JAK2: variants seen among roughly 807,000 people sequenced by gnomAD.
JAK2 encodes the protein Janus kinase 2, also known as tyrosine-protein kinase JAK2.
A neutral mutation model predicts 139.3 loss-of-function variants in JAK2; 86 were observed. The ratio of observed to expected loss-of-function variants is 0.62; its 90% CI spans 0.52 to 0.74. JAK2 has a LOEUF of 0.74. Ranked by LOEUF, JAK2 falls within the 30% of genes least tolerant of loss-of-function variation. The probability of loss-of-function intolerance (pLI) is 0.00; values close to 1 mark genes in which losing one functional copy is unlikely to be tolerated. For missense variants in JAK2, 1,421 were observed against 1,360.3 expected (o/e 1.04, Z -0.70); for synonymous variants, 490 against 437.7 (o/e 1.12, Z -1.49).
At chr9:5,004,179 C>T (rs145822344) in intron 2 of JAK2, among the ~76,000 whole-genome samples, 20 of 152,130 alleles carry the variant, frequency 1.3e-4, no homozygotes, top group South Asian at 2.1e-4. Flanking sequence ...TTCAAGTATA[C>T]GATATATTGT....
chr9:5,039,263 C>G (rs1175807033), intron 4 of JAK2, among the ~76,000 whole-genome samples: 2 of 152,036 alleles, frequency 1.3e-5, no homozygotes, highest in Admixed American at 6.5e-5. Flanking sequence ...TGGATTAAAC[C>G]AACTGCAGAT....
intron 22 of JAK2, among the ~76,000 whole-genome samples, chr9:5,121,903 A>G (rs1018898781): frequency 7.9e-5 from 12 of 152,172 alleles, no homozygotes; most frequent in Non-Finnish European, 1.3e-4. Flanking sequence ...GCAAGGAGTG[A>G]GGGAATAGTG....
At chr9:5,097,176 C>T (rs1457055284) in intron 22 of JAK2, 1 of 152,086 alleles carries the variant, frequency 6.6e-6, no homozygotes, top group Non-Finnish European at 1.5e-5. Context: ...TAACAAAAAG[C>T]CCCCAGCCAT....
At chr9:5,034,920 A>C in intron 4 of JAK2, among the ~76,000 whole-genome samples, 1 of 152,160 alleles carries the variant, frequency 6.6e-6, no homozygotes, top group East Asian at 1.9e-4. Flanking sequence ...GAGACAAAAA[A>C]CCCTTCAAAA....
intron 4 of JAK2, among the ~76,000 whole-genome samples, chr9:5,033,994 C>T (rs1428450076): frequency 6.6e-6 from 1 of 152,078 alleles, no homozygotes; most frequent in Non-Finnish European, 1.5e-5. Flanking sequence ...TTCAGGAAAC[C>T]CATCTCACGT....
intron 4 of JAK2, among the ~76,000 whole-genome samples, chr9:5,032,999 A>C (rs1420337645): frequency 2.6e-5 from 4 of 152,230 alleles, no homozygotes; most frequent in African/African-American, 9.6e-5. Flanking sequence ...AAACCTTGAA[A>C]AAAAATTAGA....
At chr9:5,115,381 G>C (rs1823057939) in intron 22 of JAK2, among the ~76,000 whole-genome samples, 1 of 152,184 alleles carries the variant, frequency 6.6e-6, no homozygotes, top group Non-Finnish European at 1.5e-5. Context: ...ATGCCAGTTA[G>C]AATGGCGATC....
At chr9:5,029,186 A>G (rs1822979272) in intron 3 of JAK2, among the ~76,000 whole-genome samples, 1 of 152,186 alleles carries the variant, frequency 6.6e-6, no homozygotes, top group Admixed American at 6.5e-5. Flanking sequence ...AGGATTATTA[A>G]TTGGCCTAAT....
In JAK2 at chr9:5,022,163, C is replaced by T. The variant is rs754086152; in HGVS notation, c.176C>T (p.Ser59Phe). 13 of 1,613,956 alleles carry T rather than the reference C, an allele frequency of 8.1e-6. No homozygotes were observed. The East Asian group carries it at 1.8e-4, about 22-fold the overall frequency. Residue 59 changes from serine (S) to phenylalanine (F), a missense_variant, in exon 3 of 25, where the codon TCT becomes TTT. Ser to Phe is a radical substitution (Grantham distance 155). Transcript: ENST00000381652. Reference protein sequence around the residue: ...KSEADYLTFPSGEYVAEEICI... With the variant: ...KSEADYLTFPFGEYVAEEICI... ...GAGGCAGATTATCTGACCTTTCCAT[C>T]TGGGGAGTATGTTGCAGAAGAAATC...
intron 22 of JAK2, chr9:5,098,741 T>G (rs941104135): frequency 1.3e-5 from 2 of 151,850 alleles, no homozygotes; most frequent in African/African-American, 4.8e-5. Flanking sequence ...TCGCCCAGGC[T>G]GCAGTGCAGT....
At chr9:5,051,144 A>T (rs1253878242) in intron 6 of JAK2, among the ~76,000 whole-genome samples, 1 of 152,228 alleles carries the variant, frequency 6.6e-6, no homozygotes, top group Non-Finnish European at 1.5e-5. Flanking sequence ...CAAGAGGGAT[A>T]GTCAACCTAT....
chr9:5,094,970 C>CAT (rs1180513000), intron 22 of JAK2: 1 of 152,148 alleles, frequency 6.6e-6, no homozygotes, highest in Non-Finnish European at 1.5e-5. Context: ...TAGCATTCTG[C>CAT]ATATATCTCA....
chr9:4,984,750 TGGGGAGCCAG>T (rs1819841740), upstream of JAK2: 1 of 152,262 alleles, frequency 6.6e-6, no homozygotes, highest in Non-Finnish European at 1.5e-5. Context: ...GGCTGCGCGC[TGGGGAGCCAG>T]CCAGGGTGAG....
At position 5,090,583 on chromosome 9, in the gene JAK2, C is replaced by A; in HGVS notation, c.2886+13C>A. 2 of 1,556,338 alleles carry A rather than the reference C, an allele frequency of 1.3e-6. No homozygotes were observed. The highest frequency in any genetic ancestry group is 1.7e-6 in the Non-Finnish European group (2 of 1,153,942). ...TCAGATATGCAAGGTAACTAATATCCTGATTATTTGCTGTAGATGAAGCAA... is the reference window on the plus strand; with the variant it reads ...TCAGATATGCAAGGTAACTAATATCATGATTATTTGCTGTAGATGAAGCAA... On this transcript the variant is annotated intron_variant, in intron 21 of 24. Transcript: ENST00000381652.
intron 22 of JAK2, chr9:5,109,186 T>G (rs949333769): frequency 3.3e-5 from 5 of 152,202 alleles, no homozygotes; most frequent in Admixed American, 3.3e-4. Flanking sequence ...ACATATTACA[T>G]TAACAGTTAA....
intron 4 of JAK2, among the ~76,000 whole-genome samples, chr9:5,038,602 T>C (rs867388132): frequency 6.6e-6 from 1 of 151,856 alleles, no homozygotes; most frequent in Non-Finnish European, 1.5e-5. Flanking sequence ...TTAGATTTTT[T>C]TTTTTTTTTT....
At chr9:5,072,414 C>T (rs1819016908) in intron 12 of JAK2, 78 bp from the exon 13 acceptor site, 1 of 1,086,806 alleles carries the variant, frequency 9.2e-7, no homozygotes, top group Non-Finnish European at 1.3e-6. Flanking sequence ...AAAATTCTTC[C>T]TCATTGAATG....
At chr9:4,988,872 C>G (rs553332216) in intron 2 of JAK2, among the ~76,000 whole-genome samples, 1 of 152,250 alleles carries the variant, frequency 6.6e-6, no homozygotes, top group East Asian at 1.9e-4. Context: ...CTTTAAACTA[C>G]TTCTTTCATT....
chr9:5,070,118 T>A, intron 12 of JAK2, 66 bp downstream of exon 12: 1 of 1,130,782 alleles, frequency 8.8e-7, no homozygotes, highest in Non-Finnish European at 1.3e-6. Context: ...TTTCTTGATT[T>A]ACATTCATGT....
Sources: gnomAD v4.1 joint callset for allele counts (sites outside exome capture counted in the v4.1 genomes callset) on GRCh38, gnomAD v4.1.1 for gene constraint, MANE v1.5 for transcripts, NCBI Gene and HGNC (gene_info 2026-07-23, HGNC 2026-07-21) for gene names.